The following FSTL5 variants were observed in gnomAD, a reference collection of about 807,000 sequenced individuals.
FSTL5 encodes follistatin like 5.
FSTL5 carries 62 observed loss-of-function variants against 89.1 expected under a neutral mutation model. The ratio of observed to expected loss-of-function variants is 0.70; its 90% confidence interval spans 0.57 to 0.86. FSTL5 has a LOEUF of 0.86. Ranked by LOEUF, FSTL5 falls within the 40% of genes least tolerant of loss-of-function variation. FSTL5 has a pLI of 0.00. For missense variants in FSTL5, 1,057 were observed against 1,001.6 expected (o/e 1.06, Z -0.75); for synonymous variants, 383 against 346.2 (o/e 1.11, Z -1.18).
Position 161,900,594 on chromosome 4 carries a change from G to A in FSTL5, c.409+19810C>T, listed in dbSNP as rs1169021740. On this transcript the variant is annotated intron_variant, in intron 4 of 15. Coordinates refer to ENST00000306100, the MANE Select transcript of FSTL5 (RefSeq NM_020116.5). ...GCGGAGGTTGCAGTAAGTCCAGATT[G>A]AGCCACTGCACTCCAGCCTGGGTGA... Among the ~76,000 whole-genome samples the A allele has an allele frequency of 4.0e-5, 5 of 125,702 alleles. No individual in the cohort carries two copies. The Admixed American group carries it at 5.3e-4, about 13-fold the overall frequency. 82.5% of individuals were successfully genotyped at this position (125,702 alleles called of 152,430 possible).
At position 161,701,708 on chromosome 4, in the gene FSTL5, C is replaced by T. The variant is rs117957366; in HGVS notation, c.728-45214G>A. 5.9e-3 allele frequency among the ~76,000 whole-genome samples: 896 copies of T among 152,084 alleles called. 13 individuals are homozygous for T. The highest frequency in any genetic ancestry group is 0.047 in the South Asian group (225 of 4,820). ...CTTGCTATTCAAAATATGTTAAAGA[C>T]TTTGTCAAAAGTACATGTAGTTAGA... On this transcript the variant is annotated intron_variant, in intron 6 of 15. Coordinates refer to ENST00000306100, the MANE Select transcript of FSTL5 (RefSeq NM_020116.5).
At chr4:161,666,575 G>T (rs1008812291) in intron 6 of FSTL5, among the ~76,000 whole-genome samples, 1 of 152,026 alleles carries the variant, frequency 6.6e-6, no homozygotes. Flanking sequence ...TAGAAAAGGC[G>T]GAGAGTTTAG....
chr4:162,083,774 G>T (rs549220982), intron 2 of FSTL5, among the ~76,000 whole-genome samples: 25 of 151,640 alleles, frequency 1.6e-4, no homozygotes, highest in Non-Finnish European at 2.5e-4. Flanking sequence ...CACAATCAAC[G>T]TTAGGAGAGC....
intron 4 of FSTL5, among the ~76,000 whole-genome samples, chr4:161,885,233 C>T (rs142285925): frequency 2.7e-4 from 41 of 152,014 alleles, no homozygotes; most frequent in Non-Finnish European, 5.1e-4. Context: ...AACACAAAAT[C>T]GTATTTGATT....
intron 4 of FSTL5, among the ~76,000 whole-genome samples, chr4:161,912,925 CT>C (rs1162986386): frequency 6.6e-6 from 1 of 152,084 alleles, no homozygotes; most frequent in Admixed American, 6.5e-5. Context: ...AAAGGTGACT[CT>C]TTTTATGTTT....
chr4:161,807,228 C>CACACACAT lies in FSTL5; in HGVS notation c.410-31155_410-31154insATGTGTGT, dbSNP rs1415201641. 2.1e-5 allele frequency among the ~76,000 whole-genome samples: 3 copies of CACACACAT among 140,458 alleles called. No individual in the cohort carries two copies. In the South Asian group the frequency reaches 6.9e-4, roughly 33 times the overall value. 92.1% of individuals were successfully genotyped at this position (140,458 alleles called of 152,430 possible). ...ACACACACACACACACACACACACACATATATATTTGTAGAGATGCAGAGA... is the reference window on the plus strand; with the variant it reads ...ACACACACACACACACACACACACACACACACATATATATATTTGTAGAGATGCAGAGA... On this transcript the variant is annotated intron_variant, in intron 4 of 15. Transcript: ENST00000306100.
chr4:161,693,879 C>T (rs779865972), intron 6 of FSTL5, among the ~76,000 whole-genome samples: 8 of 152,012 alleles, frequency 5.3e-5, no homozygotes, highest in Non-Finnish European at 1.0e-4. Context: ...ACCTCTTGAT[C>T]TGCCCACCTC....
chr4:161,830,293 A>G (rs1323049567), intron 4 of FSTL5, among the ~76,000 whole-genome samples: 1 of 152,074 alleles, frequency 6.6e-6, no homozygotes, highest in Non-Finnish European at 1.5e-5. Context: ...AACTAATTCC[A>G]GAGATTTTGC....
chr4:161,674,979 AT>A (rs1737253027), intron 6 of FSTL5, among the ~76,000 whole-genome samples: 1 of 152,166 alleles, frequency 6.6e-6, no homozygotes, highest in Admixed American at 6.6e-5. Flanking sequence ...GATTGGCTTT[AT>A]AATCTGAATT....
intron 4 of FSTL5, among the ~76,000 whole-genome samples, chr4:161,888,400 C>A (rs1267266690): frequency 6.6e-6 from 1 of 152,046 alleles, no homozygotes; most frequent in Non-Finnish European, 1.5e-5. Flanking sequence ...TAGAGCCCAC[C>A]CAAACCTGGA....
At chr4:161,986,136 C>T (rs934750605) in intron 3 of FSTL5, among the ~76,000 whole-genome samples, 1 of 152,134 alleles carries the variant, frequency 6.6e-6, no homozygotes, top group African/African-American at 2.4e-5. Context: ...CTGCACACCT[C>T]ATTCTCTTAG....
At chr4:161,615,191 G>C (rs1452449160) in intron 7 of FSTL5, among the ~76,000 whole-genome samples, 2 of 151,044 alleles carry the variant, frequency 1.3e-5, no homozygotes, top group African/African-American at 4.9e-5. Flanking sequence ...CTACTCGGGA[G>C]GCCAAGGCAG....
At chr4:162,078,542 G>T (rs1729961079) in intron 2 of FSTL5, among the ~76,000 whole-genome samples, 1 of 151,806 alleles carries the variant, frequency 6.6e-6, no homozygotes, top group Admixed American at 6.6e-5. Flanking sequence ...GAAACAGAGA[G>T]AAGTGGTAGA....
At chr4:161,911,599 A>T (rs185064107) in intron 4 of FSTL5, among the ~76,000 whole-genome samples, 240 of 152,310 alleles carry the variant, frequency 1.6e-3, no homozygotes, top group Non-Finnish European at 2.6e-3. Context: ...ACTATCACAT[A>T]AAGAAAGACA....
intron 8 of FSTL5, among the ~76,000 whole-genome samples, chr4:161,571,610 T>A (rs1733015031): frequency 1.3e-5 from 2 of 152,188 alleles, no homozygotes; most frequent in South Asian, 4.2e-4. Context: ...TTGAGAACCT[T>A]TATAAATAGA....
intron 3 of FSTL5, among the ~76,000 whole-genome samples, chr4:161,992,902 GTGTATATATA>G (rs1382627782): frequency 0.016 from 198 of 12,524 alleles, 5 homozygotes; most frequent in African/African-American, 0.023. Flanking sequence ...ATATATGTGT[GTGTATATATA>G]TATATATATA....
chr4:162,055,697 GA>G lies in FSTL5; in HGVS notation c.127-22040del, dbSNP rs564956585. ...TAAGAACTGATAAAACAATTTTGGA[GA>G]AAAAAAGGTGGAGAGATTTACTATG... On this transcript the variant is annotated intron_variant, in intron 2 of 15. Transcript: ENST00000306100. Among the ~76,000 whole-genome samples, 41 of 151,736 alleles carry G rather than the reference GA, an allele frequency of 2.7e-4. 1 individual carries two copies. Among genetic ancestry groups the G allele is most frequent in the African/African-American group, 8.5e-4 (35 of 41,394 alleles).
At chr4:161,894,789 A>G (rs1003347507) in intron 4 of FSTL5, among the ~76,000 whole-genome samples, 2 of 152,178 alleles carry the variant, frequency 1.3e-5, no homozygotes, top group Admixed American at 1.3e-4. Flanking sequence ...TTATGGAGAC[A>G]TATACACACG....
intron 4 of FSTL5, among the ~76,000 whole-genome samples, chr4:161,797,365 C>T (rs1249836549): frequency 1.3e-5 from 2 of 151,550 alleles, no homozygotes; most frequent in Non-Finnish European, 3.0e-5. Flanking sequence ...TGCCCATACA[C>T]ATAATACAAT....
Sources: gnomAD v4.1 joint callset for allele counts (sites outside exome capture counted in the v4.1 genomes callset) on GRCh38, gnomAD v4.1.1 for gene constraint, MANE v1.5 for transcripts, NCBI Gene and HGNC (gene_info 2026-07-23, HGNC 2026-07-21) for gene names.